The following FAM210A variants were observed in gnomAD, a reference collection of about 807,000 sequenced individuals.
FAM210A encodes the protein mitochondrial inner membrane scaffold 1.
A neutral mutation model predicts 25.3 loss-of-function variants in FAM210A; 13 were observed. That is an observed-to-expected ratio of 0.51 (90% CI 0.33 to 0.82). FAM210A has a LOEUF of 0.82. FAM210A is among the 40% of genes least tolerant of loss of function. The probability of loss-of-function intolerance (pLI) is 0.02; values close to 1 mark genes in which losing one functional copy is unlikely to be tolerated. For synonymous variants in FAM210A, 125 were observed against 118.7 expected (o/e 1.05, Z -0.35); for missense variants, 319 against 323.2 (o/e 0.99, Z 0.10).
intron 1 of FAM210A, among the ~76,000 whole-genome samples, chr18:13,706,917 T>C (rs1372113330): frequency 6.6e-6 from 1 of 152,198 alleles, no homozygotes; most frequent in African/African-American, 2.4e-5. Context: ...TTTGATCTAT[T>C]TGATTTTAGG....
chr18:13,678,273 T>C (rs548950866), intron 2 of FAM210A, among the ~76,000 whole-genome samples: 2 of 152,240 alleles, frequency 1.3e-5, no homozygotes, highest in South Asian at 2.1e-4. Flanking sequence ...AGCAAGCATC[T>C]AGTTCCAATA....
chr18:13,675,074 A>G (rs1405794253), intron 2 of FAM210A, among the ~76,000 whole-genome samples: 5 of 4,440 alleles, frequency 1.1e-3, no homozygotes, highest in African/African-American at 2.7e-3. Context: ...CTGAGCCCCA[A>G]CTTCATTATT....
chr18:13,682,147 T>C lies in FAM210A; in HGVS notation c.-28-42A>G. Reference sequence around the variant, plus strand: ...TCAAAAAAATTAGGTAATACTTAGGTTTCCATTTTAAATCAATTCATTTGA... The same window carrying C: ...TCAAAAAAATTAGGTAATACTTAGGCTTCCATTTTAAATCAATTCATTTGA... On this transcript the variant is annotated intron_variant, in intron 1 of 3. Coordinates refer to ENST00000651643, the MANE Select transcript of FAM210A (RefSeq NM_152352.4). 11 of 1,301,192 alleles carry C rather than the reference T, an allele frequency of 8.5e-6. No homozygotes were observed. The South Asian group carries it at 1.5e-4, about 17-fold the overall frequency. 80.6% of individuals were successfully genotyped at this position (1,301,192 alleles called of 1,614,324 possible).
At chr18:13,702,096 C>T (rs1463605796) in intron 1 of FAM210A, among the ~76,000 whole-genome samples, 4 of 152,182 alleles carry the variant, frequency 2.6e-5, no homozygotes, top group Admixed American at 1.3e-4. Context: ...CGGCTTGGCC[C>T]CCAAGGCTGT....
At chr18:13,673,979 C>T (rs2847144) in intron 2 of FAM210A, among the ~76,000 whole-genome samples, 358 of 22,678 alleles carry the variant, frequency 0.016, no homozygotes, top group Middle Eastern at 0.029. Flanking sequence ...AGTTTCCTGA[C>T]TATTAACATT....
At chr18:13,688,461 C>CA (rs2149059737) in intron 1 of FAM210A, among the ~76,000 whole-genome samples, 1 of 30,668 alleles carries the variant, frequency 3.3e-5, no homozygotes, top group South Asian at 6.3e-4. Flanking sequence ...GGCAGAGAGG[C>CA]AATTAATTTC....
intron 2 of FAM210A, among the ~76,000 whole-genome samples, chr18:13,680,707 T>C (rs1162358538): frequency 1.3e-5 from 2 of 152,300 alleles, no homozygotes; most frequent in Middle Eastern, 3.4e-3. Flanking sequence ...CTGGAAAGTA[T>C]AAAATAATTC....
chr18:13,680,746 G>GT (rs140344904), intron 2 of FAM210A, among the ~76,000 whole-genome samples: 93 of 152,298 alleles, frequency 6.1e-4, no homozygotes, highest in African/African-American at 2.2e-3. Context: ...TTACTGAAGT[G>GT]TCTAAGTCCT....
chr18:13,715,081 T>C (rs778812296), intron 1 of FAM210A: 2 of 152,100 alleles, frequency 1.3e-5, no homozygotes, highest in Non-Finnish European at 2.9e-5. Context: ...TACATAAATA[T>C]TTATTTATTT....
In FAM210A at chr18:13,665,697, G is replaced by A. The variant is rs777435656; in HGVS notation, c.*783C>T. On this transcript the variant is annotated 3_prime_UTR_variant, in exon 4 of 4. Coordinates refer to ENST00000651643, the MANE Select transcript of FAM210A (RefSeq NM_152352.4). The stretch of plus-strand genomic sequence containing the variant: ...TTTAACAATGAATTTAAGGTTTAAT[G>A]ATTTTTTACCTTTCCTCTGAAAGAC... 1 of 151,862 alleles carries A rather than the reference G, an allele frequency of 6.6e-6. No homozygotes were observed. Among genetic ancestry groups the A allele is most frequent in the Non-Finnish European group, 1.5e-5 (1 of 67,996 alleles). The allele number at this position is 151,862 out of a possible 1,614,324, so 9.4% of individuals were successfully genotyped here. A position where few individuals can be genotyped will look rare whatever the true frequency, so the allele number is the denominator to read the frequency against.
chr18:13,683,872 C>CT (rs1250814447), intron 1 of FAM210A, among the ~76,000 whole-genome samples: 1 of 152,168 alleles, frequency 6.6e-6, no homozygotes, highest in Non-Finnish European at 1.5e-5. Context: ...CACGAATATT[C>CT]TTTATCTGGT....
intron 2 of FAM210A, among the ~76,000 whole-genome samples, chr18:13,677,011 C>T (rs569368243): frequency 6.6e-5 from 10 of 151,746 alleles, no homozygotes; most frequent in South Asian, 4.2e-4. Flanking sequence ...CTGGGAGCAT[C>T]GGCAAGACTC....
intron 1 of FAM210A, among the ~76,000 whole-genome samples, chr18:13,686,459 C>G (rs561807694): frequency 4.6e-5 from 7 of 152,346 alleles, no homozygotes; most frequent in African/African-American, 1.7e-4. Context: ...ACAAACAACT[C>G]TTTATTAGTT....
At position 13,689,591 on chromosome 18, in the gene FAM210A, C is replaced by G. The variant is rs111856534; in HGVS notation, c.-28-7486G>C. Among the ~76,000 whole-genome samples, 36 of 152,180 alleles carry G rather than the reference C, an allele frequency of 2.4e-4. No homozygotes were observed. In the South Asian group the frequency reaches 7.3e-3, roughly 31 times the overall value. On this transcript the variant is annotated intron_variant, in intron 1 of 3. Coordinates refer to ENST00000651643, the MANE Select transcript of FAM210A (RefSeq NM_152352.4). ...GGACGCTCGCCCCCGTGGCTGGGAA[C>G]AAGGCAAAGATGACAGACAACCTCT... is the stretch of plus-strand genomic sequence containing the variant.
At chr18:13,676,625 A>G (rs1194279074) in intron 2 of FAM210A, among the ~76,000 whole-genome samples, 3 of 152,226 alleles carry the variant, frequency 2.0e-5, no homozygotes, top group Non-Finnish European at 4.4e-5. Flanking sequence ...TAACATACAC[A>G]ATAGTCTACA....
At chr18:13,674,232 T>C (rs66849954) in intron 2 of FAM210A, among the ~76,000 whole-genome samples, 76,061 of 84,882 alleles carry the variant, frequency 0.9, 34,200 homozygotes, top group East Asian at 0.95. Flanking sequence ...GCCCCGACTT[T>C]ATTTCCAGTT....
chr18:13,720,868 C>T (rs973190833), intron 1 of FAM210A, among the ~76,000 whole-genome samples: 2 of 152,110 alleles, frequency 1.3e-5, no homozygotes, highest in African/African-American at 4.8e-5. Context: ...CCCCCTTGCT[C>T]CTGATGGTTT....
chr18:13,710,670 G>T (rs919512561), intron 1 of FAM210A, among the ~76,000 whole-genome samples: 1 of 152,060 alleles, frequency 6.6e-6, no homozygotes, highest in Non-Finnish European at 1.5e-5. Flanking sequence ...TGTGACTCAT[G>T]ACTCAACCAG....
At chr18:13,702,068 T>C (rs955202705) in intron 1 of FAM210A, among the ~76,000 whole-genome samples, 2 of 152,196 alleles carry the variant, frequency 1.3e-5, no homozygotes, top group African/African-American at 4.8e-5. Flanking sequence ...CAGAAAAAGA[T>C]GATTTTGCTT....
Sources: gnomAD v4.1 joint callset for allele counts (sites outside exome capture counted in the v4.1 genomes callset) on GRCh38, gnomAD v4.1.1 for gene constraint, MANE v1.5 for transcripts, NCBI Gene and HGNC (gene_info 2026-07-23, HGNC 2026-07-21) for gene names.